CELSR1: variants seen among roughly 807,000 people sequenced by gnomAD.
CELSR1 encodes the protein cadherin EGF LAG seven-pass G-type receptor 1.
A neutral mutation model predicts 249.1 loss-of-function variants in CELSR1; 110 were observed. The observed-to-expected ratio is 0.44, with a 90% CI of 0.38 to 0.52. The LOEUF is 0.52. Among genes scored for constraint, CELSR1 ranks in the 20% least tolerant of loss-of-function variants. CELSR1 has a pLI of 0.00. For missense variants in CELSR1, 4,109 were observed against 4,296.4 expected, an observed-to-expected ratio of 0.96 and a Z score of 1.22; for synonymous variants, 2,113 against 1,900.0, an observed-to-expected ratio of 1.11 and a Z score of -2.92.
rs2079728307 is a variant in CELSR1 at position 46,440,234 on chromosome 22, G to C, written c.4184-823C>G. On this transcript the variant is annotated intron_variant, in intron 2 of 34. Coordinates refer to ENST00000674500, the MANE Select transcript of CELSR1 (RefSeq NM_001378328.1). This position sits in a 1 kb window ranked among gnomAD's most constrained non-coding sequence, Gnocchi z 4.7. The stretch of plus-strand genomic sequence containing the variant: ...CCATGCTTCGACCCAGTTGTTCCTG[G>C]ACTGGCCGCTGCATCCTCCAGCAAC... Among the ~76,000 whole-genome samples, 1 of 152,098 alleles carries C rather than the reference G, an allele frequency of 6.6e-6. No individual in the cohort carries two copies. Among genetic ancestry groups the C allele is most frequent in the African/African-American group, 2.4e-5 (1 of 41,408 alleles).
intron 2 of CELSR1, among the ~76,000 whole-genome samples, chr22:46,456,580 G>A (rs533733341): frequency 1.6e-4 from 24 of 148,936 alleles, no homozygotes; most frequent in East Asian, 8.1e-4. Flanking sequence ...GGAGAATGGC[G>A]TGAACCTGGG....
In CELSR1 at chr22:46,381,825, T is replaced by C; in HGVS notation, c.7088+21A>G. On this transcript the variant is annotated intron_variant, in intron 21 of 34. Transcript: ENST00000674500. This position sits in a 1 kb window ranked among gnomAD's most constrained non-coding sequence, Gnocchi z 6.0. ...GCCTCCAGAACGGGCCCTCCCCGTG[T>C]GCCCCGTGCCCAGGCCTTACCGGAG... The C allele has an allele frequency of 6.5e-7, 1 of 1,538,488 alleles. No individual in the cohort carries two copies. The highest frequency in any genetic ancestry group is 8.7e-7 in the Non-Finnish European group (1 of 1,145,352).
rs534062966 is a variant in CELSR1 at position 46,464,662 on chromosome 22, G to A, written c.3545-317C>T. Among the ~76,000 whole-genome samples the A allele has an allele frequency of 6.6e-6, 1 of 152,168 alleles. No individual in the cohort carries two copies. The highest frequency in any genetic ancestry group is 2.4e-5 in the African/African-American group (1 of 41,530). On this transcript the variant is annotated intron_variant, in intron 1 of 34. Transcript: ENST00000674500. This position sits in a 1 kb window ranked among gnomAD's most constrained non-coding sequence, Gnocchi z 8.5. ...AGAGGGCCCCAAGGTGCTCAGCAGGGCACCCTGACGACCACCAGGATTCAG... is the reference window on the plus strand; with the variant it reads ...AGAGGGCCCCAAGGTGCTCAGCAGGACACCCTGACGACCACCAGGATTCAG...
Position 46,363,810 on chromosome 22 carries a change from C to T in CELSR1, c.9035+186G>A, listed in dbSNP as rs1051547723. ...TCCCCAGGATAGGGGGTCTGCCCAT[C>T]TCCGGGGTATCCTCCTGACCTCAGC... On this transcript the variant is annotated intron_variant, in intron 34 of 34. Transcript: ENST00000674500. The surrounding 1 kb of genome is among the most constrained non-coding windows in gnomAD (Gnocchi z 4.3). 23 of 767,890 alleles carry T rather than the reference C, an allele frequency of 3.0e-5. No homozygotes were observed. In the African/African-American group the frequency reaches 3.4e-4, roughly 11 times the overall value. 47.6% of individuals were successfully genotyped at this position (767,890 alleles called of 1,614,324 possible).
At position 46,468,835 on chromosome 22, in the gene CELSR1, G is replaced by A. The variant is rs2080124992; in HGVS notation, c.3545-4490C>T. ...TCACGTCTGAAATCCCAGCACTTTG[G>A]GAGGCCGAGGCGGCAGATCACCTGA... is the stretch of plus-strand genomic sequence containing the variant. On this transcript the variant is annotated intron_variant, in intron 1 of 34. Coordinates refer to ENST00000674500, the MANE Select transcript of CELSR1 (RefSeq NM_001378328.1). This position sits in a 1 kb window ranked among gnomAD's most constrained non-coding sequence, Gnocchi z 4.5. Among the ~76,000 whole-genome samples the A allele has an allele frequency of 6.6e-6, 1 of 152,074 alleles. No individual in the cohort carries two copies. Among genetic ancestry groups the A allele is most frequent in the African/African-American group, 2.4e-5 (1 of 41,404 alleles).
In CELSR1 at chr22:46,391,778, C is replaced by T. The variant is rs1206574627; in HGVS notation, c.6003G>A (p.Leu2001=). Residue 2001 remains leucine, a synonymous_variant, in exon 15 of 35, where the codon CTG becomes CTA. Transcript: ENST00000674500. This position sits in a 1 kb window ranked among gnomAD's most constrained non-coding sequence, Gnocchi z 4.3. The part of the protein sequence containing the change: ...YYKLLAQDTC[L]PCDCFPHGSH... ...AGCCATGGGGGAAGCAGTCGCAGGG[C>T]AGACAGGTGTCCTGGGCTAGGAGCT... 1 of 1,612,776 alleles carries T rather than the reference C, an allele frequency of 6.2e-7. No individual in the cohort carries two copies. Among genetic ancestry groups the T allele is most frequent in the Non-Finnish European group, 8.5e-7 (1 of 1,179,840 alleles).
At position 46,412,071 on chromosome 22, in the gene CELSR1, A is replaced by G. The variant is rs962065325; in HGVS notation, c.4612-312T>C. Reference sequence around the variant, plus strand: ...ATCCAAGATGACTGGTGTCCTCTTAAGAGGACAGATGCTGAGATGCAAAGG... The same window carrying G: ...ATCCAAGATGACTGGTGTCCTCTTAGGAGGACAGATGCTGAGATGCAAAGG... On this transcript the variant is annotated intron_variant, in intron 5 of 34. Coordinates refer to ENST00000674500, the MANE Select transcript of CELSR1 (RefSeq NM_001378328.1). This position sits in a 1 kb window ranked among gnomAD's most constrained non-coding sequence, Gnocchi z 4.5. 6.6e-6 allele frequency among the ~76,000 whole-genome samples: 1 copy of G among 152,196 alleles called. No individual in the cohort carries two copies. Among genetic ancestry groups the G allele is most frequent in the Non-Finnish European group, 1.5e-5 (1 of 68,030 alleles).
chr22:46,397,896 G>A lies in CELSR1; in HGVS notation c.5527-48C>T, dbSNP rs1400596001. ...GGGCTACAGGAGCCCGGAAAGGTAT[G>A]TAGGGGTTAAGGGAACCCTGAGACC... On this transcript the variant is annotated intron_variant, in intron 11 of 34. Coordinates refer to ENST00000674500, the MANE Select transcript of CELSR1 (RefSeq NM_001378328.1). 4.9e-6 allele frequency: 7 copies of A among 1,435,432 alleles called. No homozygotes were observed. In the South Asian group the frequency reaches 1.1e-4, roughly 23 times the overall value. 88.9% of individuals were successfully genotyped at this position (1,435,432 alleles called of 1,614,324 possible).
In CELSR1 at chr22:46,488,956, G is replaced by T. The variant is rs1178046767; in HGVS notation, c.3545-24611C>A. Reference sequence around the variant, plus strand: ...TTACAGGCGGAAGCCACCACGCCCAGCCCAGCCCTGCCCTTTTGAGCATGC... The same window carrying T: ...TTACAGGCGGAAGCCACCACGCCCATCCCAGCCCTGCCCTTTTGAGCATGC... On this transcript the variant is annotated intron_variant, in intron 1 of 34. Transcript: ENST00000674500. This position sits in a 1 kb window ranked among gnomAD's most constrained non-coding sequence, Gnocchi z 4.7. Among the ~76,000 whole-genome samples the T allele has an allele frequency of 6.6e-6, 1 of 151,230 alleles. No homozygotes were observed. The highest frequency in any genetic ancestry group is 1.5e-5 in the Non-Finnish European group (1 of 67,842).
chr22:46,377,428 C>A, intron 23 of CELSR1, 167 bp from the exon 24 acceptor site: 1 of 725,752 alleles, frequency 1.4e-6, no homozygotes, highest in South Asian at 1.8e-5. Flanking sequence ...CCTGGAACTG[C>A]CCCTCCTGAG....
intron 1 of CELSR1, among the ~76,000 whole-genome samples, chr22:46,470,080 A>G (rs2147617577): frequency 7.9e-6 from 1 of 126,734 alleles, no homozygotes; most frequent in African/African-American, 3.0e-5. Flanking sequence ...ATGAGACTTC[A>G]TTTTTTCATG....
chr22:46,416,437 C>T (rs2079402791), intron 5 of CELSR1, among the ~76,000 whole-genome samples: 1 of 151,884 alleles, frequency 6.6e-6, no homozygotes, highest in African/African-American at 2.4e-5. Context: ...GGCCTCGCTT[C>T]CAGGACATAA....
At chr22:46,481,324 T>C (rs1175567354) in intron 1 of CELSR1, 1 of 661,594 alleles carries the variant, frequency 1.5e-6, no homozygotes, top group Admixed American at 2.3e-5. Flanking sequence ...TGGCAAAGAC[T>C]TTTATTTCCC....
At chr22:46,392,635 C>T (rs1016398623) in intron 14 of CELSR1, among the ~76,000 whole-genome samples, 3 of 152,168 alleles carry the variant, frequency 2.0e-5, no homozygotes, top group Non-Finnish European at 4.4e-5. Flanking sequence ...CAGCTCACTG[C>T]AGCCTCAACC....
intron 5 of CELSR1, among the ~76,000 whole-genome samples, chr22:46,425,508 T>C (rs1163445603): frequency 2.0e-5 from 3 of 152,226 alleles, no homozygotes; most frequent in Admixed American, 6.5e-5. Flanking sequence ...GGGTGAGTTG[T>C]AGTAGTTTGT....
Position 46,512,863 on chromosome 22 carries a change from C to T in CELSR1, c.3544+20764G>A, listed in dbSNP as rs1175699510. Among the ~76,000 whole-genome samples, 1 of 152,200 alleles carries T rather than the reference C, an allele frequency of 6.6e-6. No individual in the cohort carries two copies. Among genetic ancestry groups the T allele is most frequent in the Non-Finnish European group, 1.5e-5 (1 of 68,036 alleles). On this transcript the variant is annotated intron_variant, in intron 1 of 34. Coordinates refer to ENST00000674500, the MANE Select transcript of CELSR1 (RefSeq NM_001378328.1). The surrounding 1 kb of genome is among the most constrained non-coding windows in gnomAD (Gnocchi z 5.2). The stretch of plus-strand genomic sequence containing the variant: ...TTGTTCCTTCCGGGTCCGGGCTTGT[C>T]CCCCACAGCACCTGGCTGTCCTCTG...
Position 46,437,762 on chromosome 22 carries a change from A to AG in CELSR1, c.4406+1426_4406+1427insC, listed in dbSNP as rs1032738150. Among the ~76,000 whole-genome samples, 1 of 151,684 alleles carries AG rather than the reference A, an allele frequency of 6.6e-6. No individual in the cohort carries two copies. Among genetic ancestry groups the AG allele is most frequent in the Non-Finnish European group, 1.5e-5 (1 of 67,984 alleles). ...AGCAAGACTCCGTCTCAAAAAAAAAAAAAAAACTGATGGTTCCCAACTGTC... is the reference window on the plus strand; with the variant it reads ...AGCAAGACTCCGTCTCAAAAAAAAAAGAAAAAACTGATGGTTCCCAACTGTC... On this transcript the variant is annotated intron_variant, in intron 3 of 34. Coordinates refer to ENST00000674500, the MANE Select transcript of CELSR1 (RefSeq NM_001378328.1). The surrounding 1 kb of genome is among the most constrained non-coding windows in gnomAD (Gnocchi z 4.9).
intron 1 of CELSR1, among the ~76,000 whole-genome samples, chr22:46,513,915 C>CG (rs796514518): frequency 3.3e-5 from 5 of 151,902 alleles, no homozygotes; most frequent in African/African-American, 1.2e-4. Context: ...GCCTCAGCCC[C>CG]CCCCGAGTAG....
chr22:46,479,185 C>T (rs918605264), intron 1 of CELSR1, among the ~76,000 whole-genome samples: 3 of 151,856 alleles, frequency 2.0e-5, no homozygotes, highest in South Asian at 2.1e-4. Context: ...CGCCGACGGA[C>T]GCTCCCGGGG....
Sources: allele counts gnomAD v4.1 joint callset (sites outside exome capture counted in the v4.1 genomes callset), GRCh38; gene constraint gnomAD v4.1.1; non-coding constraint Gnocchi (gnomAD v3.1); transcripts MANE v1.5; gene names NCBI Gene and HGNC (gene_info 2026-07-23, HGNC 2026-07-21).